Variants in DLGAP4 observed in about 807,000 individuals in gnomAD.
DLGAP4 encodes DLG associated protein 4, also known as disks large-associated protein 4.
In DLGAP4, 18 loss-of-function variants were observed where a neutral mutation model predicts 86.9. The observed-to-expected ratio is 0.21, with a 90% CI of 0.14 to 0.31. DLGAP4 has a LOEUF of 0.31. Ranked by LOEUF, DLGAP4 falls within the 10% of genes least tolerant of loss-of-function variation. The pLI, the probability that DLGAP4 is intolerant of heterozygous loss-of-function variation, is 1.00. For missense variants in DLGAP4, 1,085 were observed against 1,362.6 expected (o/e 0.80, Z 3.21); for synonymous variants, 548 against 574.3 (o/e 0.95, Z 0.65).
intron 1 of DLGAP4, among the ~76,000 whole-genome samples, chr20:36,324,869 A>G (rs1447988876): frequency 6.6e-6 from 1 of 152,156 alleles, no homozygotes; most frequent in Non-Finnish European, 1.5e-5. Context: ...GACTGGGTAC[A>G]TATTTTTCAA....
intron 10 of DLGAP4, among the ~76,000 whole-genome samples, chr20:36,505,887 G>A (rs149657418): frequency 6.6e-6 from 1 of 152,180 alleles, no homozygotes; most frequent in African/African-American, 2.4e-5. Flanking sequence ...CACTGAGGAA[G>A]AGGAATGGGG....
chr20:36,418,905 T>C lies in DLGAP4; in HGVS notation c.-72-12741T>C, dbSNP rs984823454. On this transcript the variant is annotated intron_variant, in intron 2 of 12. Transcript: ENST00000339266. ...GGCTGGAAACAATTCAGACCTTGAA[T>C]GCATCAGGATTATGGAGCTGTCTTA... Among the ~76,000 whole-genome samples, 6 of 152,152 alleles carry C rather than the reference T, an allele frequency of 3.9e-5. No homozygotes were observed. In the South Asian group the frequency reaches 1.2e-3, roughly 32 times the overall value.
At position 36,386,567 on chromosome 20, in the gene DLGAP4, G is replaced by C. The variant is rs192538160; in HGVS notation, c.-73+19292G>C. 3.8e-4 allele frequency among the ~76,000 whole-genome samples: 58 copies of C among 152,226 alleles called. 1 individual carries two copies. The East Asian group carries it at 0.011, about 29-fold the overall frequency. ...TCACAAACCCAAACCCAGGGGTGTTGTTTGAACAGTTTTCTTTTTGGGTTG... is the reference window on the plus strand; with the variant it reads ...TCACAAACCCAAACCCAGGGGTGTTCTTTGAACAGTTTTCTTTTTGGGTTG... On this transcript the variant is annotated intron_variant, in intron 2 of 12. Transcript: ENST00000339266.
intron 2 of DLGAP4, among the ~76,000 whole-genome samples, chr20:36,382,133 G>A (rs536088470): frequency 7.9e-5 from 12 of 152,340 alleles, no homozygotes; most frequent in African/African-American, 2.9e-4. Context: ...TGGAGAAGCA[G>A]CCTGGAATTT....
chr20:36,427,016 C>CA (rs746938748), intron 2 of DLGAP4, among the ~76,000 whole-genome samples: 4,994 of 133,992 alleles, frequency 0.037, 112 homozygotes, highest in African/African-American at 0.061. Context: ...CTGTCTGTAC[C>CA]AAAAAAAAAA....
chr20:36,429,086 G>T (rs530733311), intron 2 of DLGAP4, among the ~76,000 whole-genome samples: 4 of 151,954 alleles, frequency 2.6e-5, no homozygotes, highest in South Asian at 4.1e-4. Flanking sequence ...ATTTATTTAT[G>T]TATTTATTTT....
intron 7 of DLGAP4, among the ~76,000 whole-genome samples, chr20:36,488,942 T>C (rs1189908862): frequency 2.0e-5 from 3 of 152,240 alleles, no homozygotes; most frequent in South Asian, 4.1e-4. Context: ...CTATGACTCA[T>C]GCATGGATGA....
At chr20:36,525,412 T>G in intron 11 of DLGAP4, 1 of 220,680 alleles carries the variant, frequency 4.5e-6, no homozygotes. Flanking sequence ...TGAGTGTTTG[T>G]CTCCAAGACC....
In DLGAP4 at chr20:36,432,902, CAG is replaced by C. The variant is rs1262822742; in HGVS notation, c.999+190_999+191del. 6.6e-6 allele frequency among the ~76,000 whole-genome samples: 1 copy of C among 152,176 alleles called. No homozygotes were observed. Among genetic ancestry groups the C allele is most frequent in the Non-Finnish European group, 1.5e-5 (1 of 68,034 alleles). On this transcript the variant is annotated intron_variant, in intron 3 of 12. Transcript: ENST00000339266. The surrounding 1 kb of genome is among the most constrained non-coding windows in gnomAD (Gnocchi z 6.5). ...GTCCTTCCACTGGTCATGCTCTCAA[CAG>C]AGATTAATTAGGGCCTTTCTGAGCC...
intron 1 of DLGAP4, among the ~76,000 whole-genome samples, chr20:36,363,826 G>A (rs1202514951): frequency 2.0e-5 from 3 of 152,146 alleles, no homozygotes; most frequent in Non-Finnish European, 4.4e-5. Context: ...AAACATTTCT[G>A]GAGCACCTCC....
At chr20:36,412,909 C>G (rs1337372836) in intron 2 of DLGAP4, among the ~76,000 whole-genome samples, 1 of 151,516 alleles carries the variant, frequency 6.6e-6, no homozygotes, top group African/African-American at 2.4e-5. Context: ...TTTAGAGTTA[C>G]AATTCAGTGG....
chr20:36,503,025 A>G (rs1163928318), intron 10 of DLGAP4, among the ~76,000 whole-genome samples: 1 of 152,052 alleles, frequency 6.6e-6, no homozygotes, highest in Non-Finnish European at 1.5e-5. Flanking sequence ...ATGCCTGGCC[A>G]CCTTGTATTA....
intron 2 of DLGAP4, among the ~76,000 whole-genome samples, chr20:36,418,733 T>A (rs181062931): frequency 2.6e-5 from 4 of 152,210 alleles, no homozygotes; most frequent in Admixed American, 2.6e-4. Context: ...GGAATTCACT[T>A]CTCATGGTTG....
intron 1 of DLGAP4, among the ~76,000 whole-genome samples, chr20:36,360,911 G>A (rs1394853770): frequency 1.3e-5 from 2 of 152,092 alleles, no homozygotes; most frequent in Non-Finnish European, 2.9e-5. Flanking sequence ...ACGGGCCAAG[G>A]GTTCAGGAGG....
chr20:36,519,065 C>T (rs1184253689), intron 10 of DLGAP4, among the ~76,000 whole-genome samples: 5 of 151,016 alleles, frequency 3.3e-5, no homozygotes, highest in Non-Finnish European at 5.9e-5. Context: ...TGCAGCGAGC[C>T]GAGATCGTAC....
At chr20:36,463,994 C>CA (rs34147628) in intron 7 of DLGAP4, among the ~76,000 whole-genome samples, 1 of 152,216 alleles carries the variant, frequency 6.6e-6, no homozygotes, top group Non-Finnish European at 1.5e-5. Flanking sequence ...AAGTCACTGT[C>CA]ATGCTGTTAT....
At chr20:36,456,647 C>T (rs1046044878) in intron 7 of DLGAP4, among the ~76,000 whole-genome samples, 14 of 152,204 alleles carry the variant, frequency 9.2e-5, no homozygotes, top group South Asian at 4.1e-4. Context: ...CCTTGGACTA[C>T]GACATGCCTG....
chr20:36,362,317 G>A (rs147537156), intron 1 of DLGAP4, among the ~76,000 whole-genome samples: 1 of 152,282 alleles, frequency 6.6e-6, no homozygotes, highest in African/African-American at 2.4e-5. Flanking sequence ...TTCTGGGTGA[G>A]TGAAAGAGGA....
At chr20:36,411,579 G>A (rs560957298) in intron 2 of DLGAP4, among the ~76,000 whole-genome samples, 13 of 152,132 alleles carry the variant, frequency 8.5e-5, no homozygotes, top group Middle Eastern at 3.2e-3. Context: ...CATTTCCCAC[G>A]TGCATAAGGC....
Sources: allele counts gnomAD v4.1 joint callset (sites outside exome capture counted in the v4.1 genomes callset), GRCh38; gene constraint gnomAD v4.1.1; non-coding constraint Gnocchi (gnomAD v3.1); transcripts MANE v1.5; gene names NCBI Gene and HGNC (gene_info 2026-07-23, HGNC 2026-07-21).